Variants in DACH1 observed in about 807,000 individuals in gnomAD.
DACH1 encodes dachshund family transcription factor 1, also known as dachshund homolog 1.
Under a neutral mutation model 54.2 loss-of-function variants are expected in DACH1, and 12 were observed. The observed-to-expected ratio is 0.22, with a 90% CI of 0.14 to 0.36. The LOEUF (loss-of-function observed/expected upper bound fraction) is 0.36. DACH1 is among the 10% of genes least tolerant of loss of function. The pLI, the probability that DACH1 is intolerant of heterozygous loss-of-function variation, is 1.00. For synonymous variants in DACH1, 386 were observed against 366.2 expected (o/e 1.05, Z -0.62); for missense variants, 805 against 929.8 (o/e 0.87, Z 1.75).
At chr13:71,680,565 C>T (rs1415838389) in intron 2 of DACH1, among the ~76,000 whole-genome samples, 1 of 152,178 alleles carries the variant, frequency 6.6e-6, no homozygotes, top group East Asian at 1.9e-4. Context: ...GACTGAGCGA[C>T]TGCATTACAG....
At chr13:71,689,898 T>C (rs1881387910) in intron 1 of DACH1, among the ~76,000 whole-genome samples, 1 of 152,188 alleles carries the variant, frequency 6.6e-6, no homozygotes, top group Non-Finnish European at 1.5e-5. Context: ...TTTTAGAATA[T>C]ACATAAGGTC....
At chr13:71,848,925 T>C (rs538621790) in intron 1 of DACH1, among the ~76,000 whole-genome samples, 3 of 152,282 alleles carry the variant, frequency 2.0e-5, no homozygotes, top group Admixed American at 2.0e-4. Flanking sequence ...GGAGAAAAGT[T>C]ATCTCCATTA....
intron 6 of DACH1, among the ~76,000 whole-genome samples, chr13:71,537,115 G>A (rs530675726): frequency 6.6e-6 from 1 of 152,134 alleles, no homozygotes; most frequent in Non-Finnish European, 1.5e-5. Context: ...ATCTTACCAT[G>A]TGTCTGCTTT....
intron 1 of DACH1, among the ~76,000 whole-genome samples, chr13:71,792,758 T>C (rs1886886143): frequency 6.6e-6 from 1 of 152,140 alleles, no homozygotes; most frequent in Non-Finnish European, 1.5e-5. Context: ...CCTAACTTTA[T>C]TTTGTAGACA....
At chr13:71,449,330 G>GA (rs542370593) in intron 10 of DACH1, among the ~76,000 whole-genome samples, 6 of 149,156 alleles carry the variant, frequency 4.0e-5, no homozygotes, top group Non-Finnish European at 6.0e-5. Flanking sequence ...TCTCAAAAAA[G>GA]AAAAAAAAAG....
chr13:71,645,728 G>A (rs780414676), intron 2 of DACH1, among the ~76,000 whole-genome samples: 1 of 151,470 alleles, frequency 6.6e-6, no homozygotes, highest in South Asian at 2.1e-4. Flanking sequence ...CTGAAAGAAC[G>A]TGCTCATGCC....
chr13:71,641,172 C>G (rs1265473137), intron 2 of DACH1, among the ~76,000 whole-genome samples: 1 of 151,922 alleles, frequency 6.6e-6, no homozygotes, highest in African/African-American at 2.4e-5. Flanking sequence ...TCTTCTGATA[C>G]AGTAAATAAA....
chr13:71,866,734 C>G lies in DACH1; in HGVS notation c.36G>C (p.Gln12His). 1 of 1,437,336 alleles carries G rather than the reference C, an allele frequency of 7.0e-7. No individual in the cohort carries two copies. Among genetic ancestry groups the G allele is most frequent in the Non-Finnish European group, 9.2e-7 (1 of 1,086,156 alleles). The allele number at this position is 1,437,336 out of a possible 1,614,324, so 89.0% of individuals were successfully genotyped here. The change falls in exon 1 of 11, where the codon CAG becomes CAC. Residue 12 changes from glutamine (Q) to histidine (H), a missense_variant. By Grantham distance (24) the Gln-to-His change is conservative (BLOSUM62 0). This residue lies in a region of DACH1 where 305 missense variants were observed against 308.7 expected (regional missense o/e 0.99). Coordinates refer to ENST00000613252, the MANE Select transcript of DACH1 (RefSeq NM_080759.6). ...AGATTGGGGGTTGAGGGGGGACCAG[C>G]TGGGTCGGAGGGATCAAAGCCGCCG... ...AVPAALIPPTQLVPPQPPIST... is the reference protein window; with the variant it reads ...AVPAALIPPTHLVPPQPPIST...
At chr13:71,595,104 C>G (rs1175345804) in intron 3 of DACH1, among the ~76,000 whole-genome samples, 1 of 151,994 alleles carries the variant, frequency 6.6e-6, no homozygotes, top group Non-Finnish European at 1.5e-5. Context: ...GGTGAGAGAA[C>G]AAAATATATG....
At chr13:71,631,659 G>A (rs1010399848) in intron 2 of DACH1, among the ~76,000 whole-genome samples, 1 of 152,162 alleles carries the variant, frequency 6.6e-6, no homozygotes, top group Non-Finnish European at 1.5e-5. Flanking sequence ...TTACTTTACA[G>A]ATTAGAAAAC....
At chr13:71,832,221 G>A (rs1888620151) in intron 1 of DACH1, among the ~76,000 whole-genome samples, 1 of 151,932 alleles carries the variant, frequency 6.6e-6, no homozygotes, top group Admixed American at 6.6e-5. Context: ...TAAATGAAGT[G>A]GATCTCTTAT....
chr13:71,745,948 G>A (rs1025116371), intron 1 of DACH1, among the ~76,000 whole-genome samples: 2 of 152,186 alleles, frequency 1.3e-5, no homozygotes, highest in Admixed American at 6.5e-5. Context: ...GGCCGGGCGC[G>A]GTGACCCAAG....
At chr13:71,490,002 C>T (rs898772634) in intron 6 of DACH1, among the ~76,000 whole-genome samples, 1 of 152,014 alleles carries the variant, frequency 6.6e-6, no homozygotes. Flanking sequence ...ATTGTTTAAC[C>T]ATTTTTACAG....
At chr13:71,738,731 C>CAA (rs34856567) in intron 1 of DACH1, among the ~76,000 whole-genome samples, 3,805 of 24,008 alleles carry the variant, frequency 0.16, 1,601 homozygotes, top group Non-Finnish European at 0.36. Context: ...GACTCTGTCT[C>CAA]AAAAAAAAAA....
intron 2 of DACH1, among the ~76,000 whole-genome samples, chr13:71,663,789 C>G (rs1431176424): frequency 2.0e-5 from 3 of 151,996 alleles, no homozygotes; most frequent in East Asian, 3.9e-4. Context: ...TTTTAAAAAA[C>G]CAATTCACCA....
intron 3 of DACH1, among the ~76,000 whole-genome samples, chr13:71,589,933 G>A (rs1198208512): frequency 6.6e-6 from 1 of 151,938 alleles, no homozygotes; most frequent in Non-Finnish European, 1.5e-5. Context: ...CCATGCCAGA[G>A]AGCAATTCTG....
intron 1 of DACH1, among the ~76,000 whole-genome samples, chr13:71,788,661 T>C (rs979584336): frequency 6.6e-6 from 1 of 152,090 alleles, no homozygotes; most frequent in Non-Finnish European, 1.5e-5. Context: ...TTTAATTTCT[T>C]ATGGTTACTT....
chr13:71,613,911 C>T (rs1217867293), intron 3 of DACH1, among the ~76,000 whole-genome samples: 3 of 151,994 alleles, frequency 2.0e-5, no homozygotes, highest in Non-Finnish European at 2.9e-5. Flanking sequence ...GGGATTTCAC[C>T]ATGTTGCCCA....
chr13:71,741,204 C>A (rs903788057), intron 1 of DACH1, among the ~76,000 whole-genome samples: 1 of 152,040 alleles, frequency 6.6e-6, no homozygotes, highest in Non-Finnish European at 1.5e-5. Flanking sequence ...TTACTCATGG[C>A]GTATTTGGCA....
Sources: allele counts gnomAD v4.1 joint callset (sites outside exome capture counted in the v4.1 genomes callset), GRCh38; gene constraint gnomAD v4.1.1; regional missense constraint gnomAD v4.1.1; transcripts MANE v1.5; gene names NCBI Gene and HGNC (gene_info 2026-07-23, HGNC 2026-07-21).